The following MAP4K5 variants were observed in gnomAD, a reference collection of about 807,000 sequenced individuals.
MAP4K5 encodes MAPK/ERK kinase kinase kinase 5.
A neutral mutation model predicts 135.6 loss-of-function variants in MAP4K5; 82 were observed. That is an observed-to-expected ratio of 0.60 (90% CI 0.51 to 0.73). MAP4K5 has a LOEUF of 0.73. Among genes scored for constraint, MAP4K5 ranks in the 30% least tolerant of loss-of-function variants. The pLI is 0.00. For synonymous variants in MAP4K5, 347 were observed against 335.0 expected, an observed-to-expected ratio of 1.04 and a Z score of -0.39; for missense variants, 907 against 1,010.9, an observed-to-expected ratio of 0.90 and a Z score of 1.39.
At chr14:50,467,664 G>A (rs1314361918) in intron 10 of MAP4K5, among the ~76,000 whole-genome samples, 1 of 151,870 alleles carries the variant, frequency 6.6e-6, no homozygotes, top group Non-Finnish European at 1.5e-5. Flanking sequence ...GATTATTTCT[G>A]AATTATAATC....
At chr14:50,518,591 C>G (rs766131502) in intron 2 of MAP4K5, among the ~76,000 whole-genome samples, 9 of 152,166 alleles carry the variant, frequency 5.9e-5, no homozygotes, top group Non-Finnish European at 5.9e-5. Flanking sequence ...TGGAAGGAGG[C>G]TATACTGCAC....
At chr14:50,538,947 G>C (rs1008189239) in intron 2 of MAP4K5, among the ~76,000 whole-genome samples, 2 of 152,194 alleles carry the variant, frequency 1.3e-5, no homozygotes, top group Admixed American at 1.3e-4. Context: ...AGCCTCCCAA[G>C]TAGCTGGGAC....
At position 50,447,466 on chromosome 14, in the gene MAP4K5, G is replaced by A; in HGVS notation, c.1090C>T (p.Pro364Ser). The A allele has an allele frequency of 6.5e-7, 1 of 1,546,918 alleles. No individual in the cohort carries two copies. Among genetic ancestry groups the A allele is most frequent in the Non-Finnish European group, 8.8e-7 (1 of 1,142,478 alleles). ...ARDEMGLSSD[P>S]NFMLQWNPFV... ...GGATTCCACTGTAACATGAAATTTG[G>A]GTCTGATGACAATCCCTGTAAAGAT... Residue 364 changes from proline (P) to serine (S), a missense_variant, in exon 16 of 33, where the codon CCA becomes TCA. Coordinates refer to ENST00000682126, the MANE Select transcript of MAP4K5 (RefSeq NM_006575.6).
intron 2 of MAP4K5, among the ~76,000 whole-genome samples, chr14:50,517,598 T>A (rs2038061007): frequency 6.6e-6 from 1 of 151,954 alleles, no homozygotes; most frequent in Non-Finnish European, 1.5e-5. Flanking sequence ...TGAAATCCTG[T>A]CTCTACTAAA....
chr14:50,457,983 G>A (rs1177524881), intron 13 of MAP4K5, among the ~76,000 whole-genome samples: 2 of 152,016 alleles, frequency 1.3e-5, no homozygotes, highest in Non-Finnish European at 2.9e-5. Flanking sequence ...ACACATCTGG[G>A]GTATCAATCA....
intron 2 of MAP4K5, among the ~76,000 whole-genome samples, chr14:50,514,749 T>A (rs1020363941): frequency 1.3e-5 from 2 of 152,068 alleles, no homozygotes; most frequent in Non-Finnish European, 2.9e-5. Flanking sequence ...AGAGAAAACA[T>A]GGGCAGTCTA....
intron 1 of MAP4K5, among the ~76,000 whole-genome samples, chr14:50,552,078 G>C (rs1282179655): frequency 6.6e-6 from 1 of 152,128 alleles, no homozygotes; most frequent in East Asian, 1.9e-4. Context: ...AACTGTTGCT[G>C]TTCGCCGATG....
intron 14 of MAP4K5, among the ~76,000 whole-genome samples, chr14:50,454,860 C>T (rs948925202): frequency 1.3e-5 from 2 of 151,510 alleles, no homozygotes; most frequent in African/African-American, 4.8e-5. Context: ...GCACAATAGC[C>T]AAATGTCATA....
intron 2 of MAP4K5, among the ~76,000 whole-genome samples, chr14:50,513,507 A>T (rs1465371260): frequency 6.6e-6 from 1 of 152,180 alleles, no homozygotes; most frequent in Non-Finnish European, 1.5e-5. Flanking sequence ...TTCAACACAG[A>T]ATTGGAAGAC....
intron 2 of MAP4K5, among the ~76,000 whole-genome samples, chr14:50,529,642 A>T (rs2038343332): frequency 7.2e-6 from 1 of 138,422 alleles, no homozygotes; most frequent in South Asian, 2.6e-4. Flanking sequence ...AACAAGAAAA[A>T]AATAAGTAAA....
intron 10 of MAP4K5, among the ~76,000 whole-genome samples, chr14:50,467,177 C>T (rs773658094): frequency 2.6e-5 from 4 of 151,942 alleles, no homozygotes; most frequent in East Asian, 1.9e-4. Flanking sequence ...TATAAACTCA[C>T]GTGTGACCCA....
At position 50,463,891 on chromosome 14, in the gene MAP4K5, CAAAAAAAAAAAAA is replaced by C. The variant is rs56877870; in HGVS notation, c.819+148_819+160del. 1.3e-4 allele frequency among the ~76,000 whole-genome samples: 9 copies of C among 70,388 alleles called. 1 individual carries two copies. Among genetic ancestry groups the C allele is most frequent in the African/African-American group, 3.0e-4 (5 of 16,674 alleles). 46.2% of individuals were successfully genotyped at this position (70,388 alleles called of 152,430 possible). A position where few individuals can be genotyped will look rare whatever the true frequency, so the allele number is the denominator to read the frequency against. ...GGGTGACAGAGTGAGACCCTGTTTC[CAAAAAAAAAAAAA>C]AAAAAAAAAAAAAAAAAAAAAAAAG... On this transcript the variant is annotated intron_variant, in intron 12 of 32. Coordinates refer to ENST00000682126, the MANE Select transcript of MAP4K5 (RefSeq NM_006575.6).
In MAP4K5 at chr14:50,476,741, C is replaced by T. The variant is rs1410617378; in HGVS notation, c.379-435G>A. Among the ~76,000 whole-genome samples, 7 of 152,180 alleles carry T rather than the reference C, an allele frequency of 4.6e-5. No homozygotes were observed. The East Asian group carries it at 1.3e-3, about 29-fold the overall frequency. ...CCTCCCAAAGTGGTGGGATTACAGG[C>T]GTGAGCCACCACACCCGGCCTGAAG... On this transcript the variant is annotated intron_variant, in intron 6 of 32. Coordinates refer to ENST00000682126, the MANE Select transcript of MAP4K5 (RefSeq NM_006575.6).
chr14:50,492,439 C>A (rs894564631), intron 3 of MAP4K5, among the ~76,000 whole-genome samples: 3 of 151,772 alleles, frequency 2.0e-5, no homozygotes, highest in East Asian at 3.9e-4. Flanking sequence ...AAAAAAAACA[C>A]AAAAATTAGC....
intron 6 of MAP4K5, among the ~76,000 whole-genome samples, chr14:50,478,763 G>T (rs1176424378): frequency 1.3e-5 from 2 of 152,020 alleles, no homozygotes; most frequent in African/African-American, 2.4e-5. Context: ...TTCAGTGTTT[G>T]TAAGTCTGAA....
intron 3 of MAP4K5, among the ~76,000 whole-genome samples, chr14:50,504,479 C>CA (rs1180072010): frequency 6.6e-6 from 1 of 151,998 alleles, no homozygotes; most frequent in Non-Finnish European, 1.5e-5. Flanking sequence ...ATATTCACCC[C>CA]AAAAAATCAT....
At chr14:50,503,968 A>G (rs1260075182) in intron 3 of MAP4K5, among the ~76,000 whole-genome samples, 1 of 152,028 alleles carries the variant, frequency 6.6e-6, no homozygotes, top group African/African-American at 2.4e-5. Flanking sequence ...GGATCCTGAA[A>G]GAGTATTATT....
At chr14:50,459,864 A>G (rs967693903) in intron 13 of MAP4K5, among the ~76,000 whole-genome samples, 1 of 151,788 alleles carries the variant, frequency 6.6e-6, no homozygotes, top group East Asian at 1.9e-4. Flanking sequence ...TGCCCAGCTA[A>G]TTTTTTGGTA....
At chr14:50,496,481 C>T (rs945381719) in intron 3 of MAP4K5, among the ~76,000 whole-genome samples, 15 of 151,756 alleles carry the variant, frequency 9.9e-5, no homozygotes, top group Non-Finnish European at 1.2e-4. Context: ...TATATATATA[C>T]ACACACACAT....
Sources: gnomAD v4.1 joint callset for allele counts (sites outside exome capture counted in the v4.1 genomes callset) on GRCh38, gnomAD v4.1.1 for gene constraint, MANE v1.5 for transcripts, NCBI Gene and HGNC (gene_info 2026-07-23, HGNC 2026-07-21) for gene names.